CHIC1: variants seen among roughly 807,000 people sequenced by gnomAD.
CHIC1 encodes cysteine-rich hydrophobic domain-containing protein 1.
A neutral mutation model predicts 18.5 loss-of-function variants in CHIC1; 7 were observed. The ratio of observed to expected loss-of-function variants is 0.38; its 90% confidence interval spans 0.22 to 0.71. The LOEUF is 0.71. Among genes scored for constraint, CHIC1 ranks in the 30% least tolerant of loss-of-function variants. CHIC1 has a pLI of 0.49. For synonymous variants in CHIC1, 77 were observed against 73.5 expected, an observed-to-expected ratio of 1.05 and a Z score of -0.25; for missense variants, 159 against 176.9, an observed-to-expected ratio of 0.90 and a Z score of 0.57.
Position 73,584,163 on chromosome X carries a change from A to G in CHIC1, c.352-254A>G, listed in dbSNP as rs146679607. Among the ~76,000 whole-genome samples, 802 of 111,027 alleles carry G rather than the reference A, an allele frequency of 7.2e-3. 6 individuals carry two copies. The highest frequency in any genetic ancestry group is 0.026 in the African/African-American group (789 of 30,622). ...GCTTGAAAGTTATCCTTTTCCGTCA[A>G]TTTTATTGCAGTCATTTTATTGGTG... On this transcript the variant is annotated intron_variant, in intron 2 of 5. Coordinates refer to ENST00000373502, the MANE Select transcript of CHIC1 (RefSeq NM_001039840.4).
intron 3 of CHIC1, among the ~76,000 whole-genome samples, chrX:73,594,088 G>T (rs67857489): frequency 0.048 from 5,227 of 109,387 alleles, 320 homozygotes; most frequent in African/African-American, 0.16. Context: ...TTTTATAGGG[G>T]TTTTTTTTCC....
At chrX:73,660,525 G>C (rs1353321754) in intron 3 of CHIC1, among the ~76,000 whole-genome samples, 1 of 112,053 alleles carries the variant, frequency 8.9e-6, no homozygotes, top group Non-Finnish European at 1.9e-5. Context: ...GTACAACAGA[G>C]AGCATAGCAA....
At chrX:73,645,626 C>A (rs1379607746) in intron 3 of CHIC1, among the ~76,000 whole-genome samples, 2 of 111,852 alleles carry the variant, frequency 1.8e-5, no homozygotes, top group Non-Finnish European at 3.8e-5. Context: ...GGTAATATCT[C>A]ATTATGGTAT....
intron 3 of CHIC1, among the ~76,000 whole-genome samples, chrX:73,628,797 T>A (rs937580848): frequency 9.0e-6 from 1 of 111,474 alleles, no homozygotes; most frequent in Non-Finnish European, 1.9e-5. Context: ...GTTATTTCTT[T>A]ATAGATAGTT....
intron 1 of CHIC1, among the ~76,000 whole-genome samples, chrX:73,575,039 G>A (rs1175693556): frequency 9.1e-6 from 1 of 109,705 alleles, no homozygotes; most frequent in Non-Finnish European, 1.9e-5. Context: ...ACAACCAAGT[G>A]CGATAAATCA....
intron 3 of CHIC1, among the ~76,000 whole-genome samples, chrX:73,622,157 C>CT (rs2057763468): frequency 8.9e-6 from 1 of 111,773 alleles, no homozygotes; most frequent in South Asian, 3.7e-4. Flanking sequence ...CTGAAATTTT[C>CT]TTTTTTTGTT....
chrX:73,617,716 A>G (rs1236222520), intron 3 of CHIC1, among the ~76,000 whole-genome samples: 1 of 111,639 alleles, frequency 9.0e-6, no homozygotes. Flanking sequence ...CCATGAGAAC[A>G]GTATGGGGGA....
rs2058098887 is a variant in CHIC1, at chrX:73,681,358, A to G, written c.*353A>G. On this transcript the variant is annotated 3_prime_UTR_variant, in exon 6 of 6. Transcript: ENST00000373502. ...TCATACTCATTGTTTCTAAACTCGCATCATTTTTCTAGGCTACTTGATGCT... is the reference window on the plus strand; with the variant it reads ...TCATACTCATTGTTTCTAAACTCGCGTCATTTTTCTAGGCTACTTGATGCT... 1 of 141,634 alleles carries G rather than the reference A, an allele frequency of 7.1e-6. No individual in the cohort carries two copies. Among genetic ancestry groups the G allele is most frequent in the Admixed American group, 9.0e-5 (1 of 11,075 alleles). The allele number at this position is 141,634 out of a possible 1,213,427, so 11.7% of individuals were successfully genotyped here. A position where few individuals can be genotyped will look rare whatever the true frequency, so the allele number is the denominator to read the frequency against.
intron 1 of CHIC1, among the ~76,000 whole-genome samples, chrX:73,571,113 G>T (rs1467988310): frequency 1.8e-5 from 2 of 110,553 alleles, no homozygotes; most frequent in Non-Finnish European, 3.8e-5. Flanking sequence ...GTAAAGCTAA[G>T]AATTTTTAAA....
intron 3 of CHIC1, among the ~76,000 whole-genome samples, chrX:73,590,645 A>AATC (rs1359627555): frequency 9.0e-6 from 1 of 111,519 alleles, no homozygotes; most frequent in Non-Finnish European, 1.9e-5. Context: ...TATCCTGAGC[A>AATC]ATCACCTAAC....
At chrX:73,673,005 C>G (rs1306091584) in intron 3 of CHIC1, among the ~76,000 whole-genome samples, 3 of 111,880 alleles carry the variant, frequency 2.7e-5, no homozygotes, top group Non-Finnish European at 3.8e-5. Flanking sequence ...TTTCCCAGCA[C>G]CATTTATTAA....
rs780659743 is a variant in CHIC1, at chrX:73,627,609, A to T, written c.507+43037A>T. Among the ~76,000 whole-genome samples the T allele has an allele frequency of 5.4e-5, 6 of 111,957 alleles. No homozygotes were observed. In the East Asian group the frequency reaches 1.7e-3, roughly 32 times the overall value. On this transcript the variant is annotated intron_variant, in intron 3 of 5. Coordinates refer to ENST00000373502, the MANE Select transcript of CHIC1 (RefSeq NM_001039840.4). ...GCCACCTCATGCCACGAAGAATTCT[A>T]CCGGAGCACCAGCCAATGTTTCCTT...
Position 73,681,254 on chromosome X carries a change from T to C in CHIC1, c.*249T>C. 1 of 262,951 alleles carries C rather than the reference T, an allele frequency of 3.8e-6. No individual in the cohort carries two copies. Among genetic ancestry groups the C allele is most frequent in the South Asian group, 1.3e-4 (1 of 7,811 alleles). The allele number at this position is 262,951 out of a possible 1,213,427, so 21.7% of individuals were successfully genotyped here. A position where few individuals can be genotyped will look rare whatever the true frequency, so the allele number is the denominator to read the frequency against. ...GCGTGTGTGCATATACATATATAGA[T>C]AGTTGCCATTAAAGATAAATCATCA... On this transcript the variant is annotated 3_prime_UTR_variant, in exon 6 of 6. Coordinates refer to ENST00000373502, the MANE Select transcript of CHIC1 (RefSeq NM_001039840.4).
chrX:73,631,882 G>T (rs1386581165), intron 3 of CHIC1, among the ~76,000 whole-genome samples: 1 of 111,486 alleles, frequency 9.0e-6, no homozygotes, highest in East Asian at 2.8e-4. Flanking sequence ...CTGTACAATT[G>T]TATTAGGAAA....
At chrX:73,630,598 G>T (rs1213592958) in intron 3 of CHIC1, among the ~76,000 whole-genome samples, 1 of 111,468 alleles carries the variant, frequency 9.0e-6, no homozygotes, top group East Asian at 2.8e-4. Flanking sequence ...TTACATGATT[G>T]TGGTGTATGA....
chrX:73,639,199 C>T (rs1306507991), intron 3 of CHIC1, among the ~76,000 whole-genome samples: 2 of 111,357 alleles, frequency 1.8e-5, no homozygotes, highest in African/African-American at 6.5e-5. Flanking sequence ...CATTTTTTGA[C>T]CTTTTAATAA....
chrX:73,678,672 A>T (rs2058083648), intron 3 of CHIC1, among the ~76,000 whole-genome samples: 1 of 112,413 alleles, frequency 8.9e-6, no homozygotes, highest in Non-Finnish European at 1.9e-5. Context: ...ACTCCTTACA[A>T]AATATACAGA....
At chrX:73,646,163 G>A (rs2057888417) in intron 3 of CHIC1, among the ~76,000 whole-genome samples, 1 of 111,710 alleles carries the variant, frequency 9.0e-6, no homozygotes, top group Admixed American at 9.5e-5. Context: ...TGTATTGTGT[G>A]TTCTTAGCAA....
chrX:73,665,931 G>A (rs1304744436), intron 3 of CHIC1, among the ~76,000 whole-genome samples: 4 of 111,834 alleles, frequency 3.6e-5, no homozygotes, highest in African/African-American at 1.3e-4. Context: ...CAACACACTT[G>A]TGGGTAATTA....
Sources: gnomAD v4.1 joint callset for allele counts (sites outside exome capture counted in the v4.1 genomes callset) on GRCh38, gnomAD v4.1.1 for gene constraint, MANE v1.5 for transcripts, NCBI Gene and HGNC (gene_info 2026-07-23, HGNC 2026-07-21) for gene names.